DNASE1L3: variants seen among roughly 807,000 people sequenced by gnomAD.
The protein encoded by DNASE1L3 is deoxyribonuclease gamma.
A neutral mutation model predicts 30.9 loss-of-function variants in DNASE1L3; 27 were observed. The ratio of observed to expected loss-of-function variants is 0.87; its 90% CI spans 0.64 to 1.20. DNASE1L3 has a LOEUF of 1.20. DNASE1L3 is among the 50% of genes most tolerant of loss of function. The pLI is 0.00. For synonymous variants in DNASE1L3, 135 were observed against 138.0 expected, an observed-to-expected ratio of 0.98 and a Z score of 0.15; for missense variants, 364 against 378.2, an observed-to-expected ratio of 0.96 and a Z score of 0.31.
intron 4 of DNASE1L3, among the ~76,000 whole-genome samples, chr3:58,202,739 G>A (rs1436564976): frequency 1.3e-5 from 2 of 151,878 alleles, no homozygotes; most frequent in African/African-American, 4.8e-5. Flanking sequence ...TGTAATCCCA[G>A]CTACTTGGGA....
intron 5 of DNASE1L3, among the ~76,000 whole-genome samples, chr3:58,198,720 T>C (rs1240111717): frequency 6.6e-6 from 1 of 152,246 alleles, no homozygotes; most frequent in African/African-American, 2.4e-5. Context: ...CTCAAACTAC[T>C]GTAGGGTGTA....
intron 5 of DNASE1L3, among the ~76,000 whole-genome samples, chr3:58,199,241 T>C (rs966008320): frequency 2.6e-5 from 4 of 152,196 alleles, no homozygotes; most frequent in African/African-American, 9.7e-5. Flanking sequence ...TAGCACTAGG[T>C]GTTTTTAAAT....
At position 58,198,611 on chromosome 3, in the gene DNASE1L3, C is replaced by T. The variant is rs563277938; in HGVS notation, c.547-633G>A. ...TTCTTAACAGGAAGGAGAATGTTTG[C>T]TGTTCTTAGTCGCCACATTTCCATA... On this transcript the variant is annotated intron_variant, in intron 5 of 7. Transcript: ENST00000394549. Among the ~76,000 whole-genome samples the T allele has an allele frequency of 1.6e-3, 239 of 152,296 alleles. 3 individuals carry two copies. The highest frequency in any genetic ancestry group is 1.2e-3 in the Admixed American group (18 of 15,298).
At chr3:58,204,586 A>G (rs1053140554) in intron 4 of DNASE1L3, among the ~76,000 whole-genome samples, 183 bp downstream of exon 4, 14 of 152,220 alleles carry the variant, frequency 9.2e-5, no homozygotes, top group Non-Finnish European at 2.1e-4. Context: ...GTCTTGAGTC[A>G]TGGCATTCTG....
intron 7 of DNASE1L3, 71 bp downstream of exon 7, chr3:58,193,272 T>C (rs1314546308): frequency 6.4e-7 from 1 of 1,562,844 alleles, no homozygotes; most frequent in South Asian, 1.1e-5. Context: ...AGAGATGGAG[T>C]CTCATCATGT....
intron 4 of DNASE1L3, among the ~76,000 whole-genome samples, chr3:58,204,316 T>G (rs1234399285): frequency 6.6e-6 from 1 of 152,026 alleles, no homozygotes; most frequent in African/African-American, 2.4e-5. Flanking sequence ...AATTTTTGTA[T>G]TTTTAGTAGA....
chr3:58,194,314 C>CTTTTTT lies in DNASE1L3; in HGVS notation c.705-881_705-876dup, dbSNP rs11358965. The stretch of plus-strand genomic sequence containing the variant: ...TTGCTAACATCACCAGCACAACTAA[C>CTTTTTT]TTTTTTTTTTTTTTTTTTTTTTTTG... On this transcript the variant is annotated intron_variant, in intron 6 of 7. Coordinates refer to ENST00000394549, the MANE Select transcript of DNASE1L3 (RefSeq NM_004944.4). 1.3e-3 allele frequency among the ~76,000 whole-genome samples: 119 copies of CTTTTTT among 89,060 alleles called. 7 individuals carry two copies. Among genetic ancestry groups the CTTTTTT allele is most frequent in the African/African-American group, 4.2e-3 (90 of 21,522 alleles). The allele number at this position is 89,060 out of a possible 152,430, so 58.4% of individuals were successfully genotyped here.
intron 2 of DNASE1L3, among the ~76,000 whole-genome samples, chr3:58,206,180 C>T (rs1180493899): frequency 1.3e-5 from 2 of 152,196 alleles, no homozygotes; most frequent in African/African-American, 2.4e-5. Context: ...CTCACCTGCA[C>T]CAGGGAAAGC....
chr3:58,202,557 A>G (rs2097401473), intron 4 of DNASE1L3, among the ~76,000 whole-genome samples: 1 of 151,688 alleles, frequency 6.6e-6, no homozygotes, highest in Admixed American at 6.6e-5. Flanking sequence ...CACATTTTCT[A>G]GTTAAAAAAA....
chr3:58,204,416 C>G (rs539111525), intron 4 of DNASE1L3, among the ~76,000 whole-genome samples: 1 of 152,222 alleles, frequency 6.6e-6, no homozygotes, highest in Admixed American at 6.5e-5. Context: ...GCTGGGATTA[C>G]AGCCATGCGC....
rs535519371 is a variant in DNASE1L3 at position 58,210,311 on chromosome 3, G to A, written c.141+455C>T. Reference sequence around the variant, plus strand: ...AAGAAAAGGAAAGAGAGAGAAAGGAGCTGGGCTTTGCTGGTGAAAAGGAGT... The same window carrying A: ...AAGAAAAGGAAAGAGAGAGAAAGGAACTGGGCTTTGCTGGTGAAAAGGAGT... On this transcript the variant is annotated intron_variant, in intron 1 of 7. Transcript: ENST00000394549. 8.0e-4 allele frequency among the ~76,000 whole-genome samples: 121 copies of A among 152,096 alleles called. 2 individuals carry two copies. The highest frequency in any genetic ancestry group is 1.2e-3 in the Non-Finnish European group (80 of 68,010).
rs2097395080 is a variant in DNASE1L3 at position 58,192,918 on chromosome 3, C to G, written c.802-115G>C. On this transcript the variant is annotated intron_variant, in intron 7 of 7. Coordinates refer to ENST00000394549, the MANE Select transcript of DNASE1L3 (RefSeq NM_004944.4). The surrounding 1 kb of genome is among the most constrained non-coding windows in gnomAD (Gnocchi z 4.8). ...AGGGGAGAGGAAATGCCCGAAGTCA[C>G]CCCACAGAACACTTACTGGTAAGCG... 1 of 1,497,568 alleles carries G rather than the reference C, an allele frequency of 6.7e-7. No individual in the cohort carries two copies. Among genetic ancestry groups the G allele is most frequent in the African/African-American group, 1.4e-5 (1 of 71,144 alleles). The allele number at this position is 1,497,568 out of a possible 1,614,324, so 92.8% of individuals were successfully genotyped here.
In DNASE1L3 at chr3:58,205,482, G is replaced by A. The variant is rs1173105370; in HGVS notation, c.309C>T (p.Ala103=). The change falls in exon 3 of 8, where the codon GCC becomes GCT. Residue 103 remains alanine (A), a synonymous_variant. Transcript: ENST00000394549. ...TAGGTGATACTTACTTGTAGAGAAA[G>A]GCATATTGTTCTTTATATGTGTTTC... ...LGRNTYKEQY[A]FLYKEKLVSV... The A allele has an allele frequency of 6.2e-7, 1 of 1,613,634 alleles. No individual in the cohort carries two copies. Among genetic ancestry groups the A allele is most frequent in the Non-Finnish European group, 8.5e-7 (1 of 1,179,532 alleles).
intron 2 of DNASE1L3, among the ~76,000 whole-genome samples, chr3:58,206,006 C>T (rs532859337): frequency 3.9e-5 from 6 of 152,310 alleles, no homozygotes; most frequent in South Asian, 2.1e-4. Context: ...GCCACCTGTC[C>T]GTGTCCACGA....
In DNASE1L3 at chr3:58,201,071, G is replaced by A. The variant is rs984642834; in HGVS notation, c.472C>T (p.Pro158Ser). 6.2e-7 allele frequency: 1 copy of A among 1,612,842 alleles called. No individual in the cohort carries two copies. The highest frequency in any genetic ancestry group is 8.5e-7 in the Non-Finnish European group (1 of 1,179,242). ...DFVIIPLHTT[P>S]ETSVKEIDEL... ...TCGATCTCCTTAACGGATGTCTCTG[G>A]GGTGGTGTGCAGGGGGATAATCACG... The change falls in exon 5 of 8, where the codon CCA (proline) becomes TCA (serine). Residue 158 changes from proline to serine, a missense_variant. Coordinates refer to ENST00000394549, the MANE Select transcript of DNASE1L3 (RefSeq NM_004944.4).
At chr3:58,193,851 C>A (rs2097395637) in intron 6 of DNASE1L3, among the ~76,000 whole-genome samples, 1 of 152,146 alleles carries the variant, frequency 6.6e-6, no homozygotes, top group African/African-American at 2.4e-5. Flanking sequence ...TCCCTCAGTC[C>A]CGTGTTGACA....
In DNASE1L3 at chr3:58,195,142, C is replaced by G. The variant is rs149563695; in HGVS notation, c.705-1703G>C. Among the ~76,000 whole-genome samples, 3 of 152,316 alleles carry G rather than the reference C, an allele frequency of 2.0e-5. No individual in the cohort carries two copies. The South Asian group carries it at 6.2e-4, about 32-fold the overall frequency. On this transcript the variant is annotated intron_variant, in intron 6 of 7. Transcript: ENST00000394549. ...GATCCTGGGCATCTTTGCATGTTCC[C>G]CCAGCACTCAGCACATGAGAGGTGT...
intron 6 of DNASE1L3, among the ~76,000 whole-genome samples, chr3:58,193,990 AC>A (rs1386324229): frequency 6.6e-6 from 1 of 152,196 alleles, no homozygotes; most frequent in East Asian, 1.9e-4. Context: ...CTGCTTTCTT[AC>A]TCATGCTAGT....
In DNASE1L3 at chr3:58,200,238, A is replaced by G. The variant is rs1349688050; in HGVS notation, c.546+759T>C. 1.3e-5 allele frequency among the ~76,000 whole-genome samples: 2 copies of G among 152,206 alleles called. No individual in the cohort carries two copies. Among genetic ancestry groups the G allele is most frequent in the African/African-American group, 4.8e-5 (2 of 41,456 alleles). On this transcript the variant is annotated intron_variant, in intron 5 of 7. Transcript: ENST00000394549. The surrounding 1 kb of genome is among the most constrained non-coding windows in gnomAD (Gnocchi z 4.2). ...GCTGGGGTGGACACAGATTTAGTCAATCAGAGTAGCTCAACACCCTGATCA... is the reference window on the plus strand; with the variant it reads ...GCTGGGGTGGACACAGATTTAGTCAGTCAGAGTAGCTCAACACCCTGATCA...
Sources: allele counts gnomAD v4.1 joint callset (sites outside exome capture counted in the v4.1 genomes callset), GRCh38; gene constraint gnomAD v4.1.1; non-coding constraint Gnocchi (gnomAD v3.1); transcripts MANE v1.5; gene names NCBI Gene and HGNC (gene_info 2026-07-23, HGNC 2026-07-21).